TUT4: variants seen among roughly 807,000 people sequenced by gnomAD.
TUT4 encodes the protein terminal uridylyl transferase 4.
In TUT4, 36 loss-of-function variants were observed where a neutral mutation model predicts 192.2. The ratio of observed to expected loss-of-function variants is 0.19; its 90% CI spans 0.14 to 0.25. The LOEUF (loss-of-function observed/expected upper bound fraction) is 0.25, where lower values mean the gene tolerates loss of function less well. Ranked by LOEUF, TUT4 falls within the 10% of genes least tolerant of loss-of-function variation. TUT4 has a pLI of 1.00. For missense variants in TUT4, 1,493 were observed against 1,957.2 expected (o/e 0.76, Z 4.47); for synonymous variants, 618 against 666.0 (o/e 0.93, Z 1.11).
chr1:52,458,200 G>T, intron 20 of TUT4, 136 bp downstream of exon 20: 4 of 555,694 alleles, frequency 7.2e-6, no homozygotes, highest in South Asian at 3.0e-5. Context: ...TTTAATTATA[G>T]CATTAATGGA....
In TUT4 at chr1:52,526,064, A is replaced by G. The variant is rs1050190134; in HGVS notation, c.217T>C (p.Cys73Arg). The G allele has an allele frequency of 6.2e-7, 1 of 1,610,944 alleles. No homozygotes were observed. The highest frequency in any genetic ancestry group is 1.7e-5 in the Admixed American group (1 of 59,470). ...ICIEKTEVKS[C>R]KVNAANLPGP... ...GGAAGGTTGGCAGCATTTACTTTACATGATTTAACTTCTGTTTTTTCTATA... is the reference window on the plus strand; with the variant it reads ...GGAAGGTTGGCAGCATTTACTTTACGTGATTTAACTTCTGTTTTTTCTATA... The change falls in exon 2 of 30, where the codon TGT becomes CGT. Residue 73 changes from cysteine to arginine, a missense_variant. Transcript: ENST00000257177.
intron 1 of TUT4, among the ~76,000 whole-genome samples, chr1:52,546,635 GTA>G (rs1375429561): frequency 2.6e-5 from 4 of 152,150 alleles, no homozygotes; most frequent in Non-Finnish European, 5.9e-5. Context: ...CATTATGAAT[GTA>G]TTTAATACCA....
At chr1:52,552,744 G>T (rs981033109) in intron 1 of TUT4, among the ~76,000 whole-genome samples, 187 bp downstream of exon 1, 1 of 152,164 alleles carries the variant, frequency 6.6e-6, no homozygotes, top group Non-Finnish European at 1.5e-5. Flanking sequence ...CTTCCCCTGG[G>T]ACACCCGAAG....
chr1:52,477,270 G>T (rs547456126), intron 12 of TUT4, among the ~76,000 whole-genome samples: 13 of 152,104 alleles, frequency 8.5e-5, no homozygotes, highest in Admixed American at 6.5e-4. Context: ...ACTTGACAAA[G>T]AATCTAAATA....
At chr1:52,494,639 CCG>C (rs1672023935) in intron 6 of TUT4, among the ~76,000 whole-genome samples, 1 of 152,154 alleles carries the variant, frequency 6.6e-6, no homozygotes, top group African/African-American at 2.4e-5. Flanking sequence ...GTGCAGTCAG[CCG>C]AGACTGCATC....
chr1:52,446,549 T>C, intron 21 of TUT4, 41 bp downstream of exon 21: 5 of 1,564,828 alleles, frequency 3.2e-6, no homozygotes, highest in Non-Finnish European at 4.3e-6. Context: ...CTAACATATA[T>C]CAGTGAGCAT....
In TUT4 at chr1:52,475,296, T is replaced by C; in HGVS notation, c.2263A>G (p.Lys755Glu). Residue 755 changes from lysine to glutamate, a missense_variant, in exon 13 of 30, where the codon AAA (lysine) becomes GAA (glutamate). Physicochemically the swap from Lys to Glu is moderately conservative, Grantham distance 56 (BLOSUM62 1). Around this residue, in one of 7 missense-constraint regions of TUT4, gnomAD observed 245 missense variants for 218.4 expected, o/e 1.12. Transcript: ENST00000257177. ...GGTTGCTCTCTTTCTGCATTTATTTTTTCTGTGGTTTCCCCAAGCAGAATA... is the reference window on the plus strand; with the variant it reads ...GGTTGCTCTCTTTCTGCATTTATTTCTTCTGTGGTTTCCCCAAGCAGAATA... ...GCILLGETTE[K>E]INAEREQPVQ... 3 of 1,614,146 alleles carry C rather than the reference T, an allele frequency of 1.9e-6. No homozygotes were observed. The highest frequency in any genetic ancestry group is 2.5e-6 in the Non-Finnish European group (3 of 1,180,026).
At chr1:52,486,678 G>A (rs1669866472) in intron 9 of TUT4, among the ~76,000 whole-genome samples, 1 of 152,004 alleles carries the variant, frequency 6.6e-6, no homozygotes. Context: ...TGACAAAAAC[G>A]AGACATGTTA....
At chr1:52,473,629 T>C (rs1443694252) in intron 13 of TUT4, among the ~76,000 whole-genome samples, 1 of 152,198 alleles carries the variant, frequency 6.6e-6, no homozygotes, top group African/African-American at 2.4e-5. Context: ...AATAATTAGG[T>C]TAAACATCTT....
chr1:52,436,349 G>A (rs1331370649), intron 26 of TUT4, among the ~76,000 whole-genome samples: 2 of 152,230 alleles, frequency 1.3e-5, no homozygotes. Flanking sequence ...AGCTGGGCGT[G>A]GTGGCATGCG....
intron 28 of TUT4, among the ~76,000 whole-genome samples, chr1:52,429,364 A>C (rs1459880499): frequency 6.6e-6 from 1 of 151,586 alleles, no homozygotes; most frequent in Non-Finnish European, 1.5e-5. Context: ...ATAGTTCTTA[A>C]GATAAAAATA....
At chr1:52,549,894 T>G (rs1688972774) in intron 1 of TUT4, among the ~76,000 whole-genome samples, 1 of 152,156 alleles carries the variant, frequency 6.6e-6, no homozygotes, top group South Asian at 2.1e-4. Flanking sequence ...AACTCATAAT[T>G]ATAGATATCC....
chr1:52,435,171 G>A, intron 27 of TUT4, 194 bp downstream of exon 27: 2 of 394,552 alleles, frequency 5.1e-6, no homozygotes, highest in South Asian at 8.0e-5. Context: ...TAGCTTCTCT[G>A]TAGACAGAAA....
At chr1:52,536,845 G>C (rs1051392617) in intron 1 of TUT4, among the ~76,000 whole-genome samples, 1 of 149,370 alleles carries the variant, frequency 6.7e-6, no homozygotes, top group Non-Finnish European at 1.5e-5. Context: ...CAAGAGTTTC[G>C]TCTCAAAAAA....
At chr1:52,438,779 T>C (rs1048348440) in intron 24 of TUT4, among the ~76,000 whole-genome samples, 2 of 152,122 alleles carry the variant, frequency 1.3e-5, no homozygotes, top group African/African-American at 4.8e-5. Context: ...CTGTACAAAA[T>C]TGCCTGTAGG....
At chr1:52,501,038 T>C (rs1194574890) in intron 4 of TUT4, among the ~76,000 whole-genome samples, 2 of 152,212 alleles carry the variant, frequency 1.3e-5, no homozygotes, top group Non-Finnish European at 2.9e-5. Flanking sequence ...TTTCATGACA[T>C]TGGATTTGGC....
At chr1:52,492,179 A>G (rs1298032832) in intron 7 of TUT4, among the ~76,000 whole-genome samples, 7 of 152,220 alleles carry the variant, frequency 4.6e-5, no homozygotes, top group Non-Finnish European at 1.0e-4. Context: ...TGAAGAAAGA[A>G]AACTGTATTA....
intron 1 of TUT4, among the ~76,000 whole-genome samples, chr1:52,529,092 T>G (rs1206555903): frequency 2.0e-5 from 3 of 152,146 alleles, no homozygotes; most frequent in Non-Finnish European, 4.4e-5. Flanking sequence ...ACTTTAAAAA[T>G]GTATTAGGTT....
chr1:52,467,969 C>A (rs772408734), intron 15 of TUT4, among the ~76,000 whole-genome samples: 23 of 152,100 alleles, frequency 1.5e-4, no homozygotes, highest in Non-Finnish European at 2.9e-4. Flanking sequence ...GTATTATTTG[C>A]TGATATAATA....
Sources: gnomAD v4.1 joint callset for allele counts (sites outside exome capture counted in the v4.1 genomes callset) on GRCh38, gnomAD v4.1.1 for gene constraint, gnomAD v4.1.1 regional missense constraint, MANE v1.5 for transcripts, NCBI Gene and HGNC (gene_info 2026-07-23, HGNC 2026-07-21) for gene names.